Variants in SOX6 observed in about 807,000 individuals in gnomAD.
The protein encoded by SOX6 is transcription factor SOX-6.
A neutral mutation model predicts 97.8 loss-of-function variants in SOX6; 11 were observed. That is an observed-to-expected ratio of 0.11 (90% CI 0.07 to 0.19). The LOEUF is 0.19. Among genes scored for constraint, SOX6 ranks in the 10% least tolerant of loss-of-function variants. The pLI is 1.00. For missense variants in SOX6, 810 were observed against 1,039.5 expected, an observed-to-expected ratio of 0.78 and a Z score of 3.04; for synonymous variants, 360 against 371.4, an observed-to-expected ratio of 0.97 and a Z score of 0.35.
At chr11:16,293,649 GAGTT>G (rs1370289359) in intron 3 of SOX6, among the ~76,000 whole-genome samples, 1 of 152,028 alleles carries the variant, frequency 6.6e-6, no homozygotes, top group Non-Finnish European at 1.5e-5. Flanking sequence ...TGGGGAGAGG[GAGTT>G]AGAGAATTGT....
intron 1 of SOX6, among the ~76,000 whole-genome samples, chr11:16,435,071 A>G (rs1039706225): frequency 1.3e-5 from 2 of 152,216 alleles, no homozygotes; most frequent in African/African-American, 2.4e-5. Context: ...GCTCATCTGC[A>G]CTGCCAATGA....
At chr11:15,975,393 G>T (rs566104010) in intron 15 of SOX6, among the ~76,000 whole-genome samples, 13 of 152,226 alleles carry the variant, frequency 8.5e-5, no homozygotes, top group African/African-American at 3.1e-4. Flanking sequence ...TAGAGGGAAA[G>T]CTTTTACTGC....
chr11:16,397,100 A>G (rs1166469992), intron 1 of SOX6, among the ~76,000 whole-genome samples: 1 of 151,432 alleles, frequency 6.6e-6, no homozygotes, highest in African/African-American at 2.4e-5. Context: ...CTCTTGTGAA[A>G]AAAACAAGAG....
chr11:16,371,811 G>A (rs1362658899), intron 1 of SOX6, among the ~76,000 whole-genome samples: 2 of 152,014 alleles, frequency 1.3e-5, no homozygotes, highest in East Asian at 3.9e-4. Context: ...TTGAGATCAG[G>A]TGTAGAATTT....
At chr11:16,392,166 G>A (rs1278303754) in intron 1 of SOX6, among the ~76,000 whole-genome samples, 1 of 152,014 alleles carries the variant, frequency 6.6e-6, no homozygotes, top group Non-Finnish European at 1.5e-5. Context: ...TCTATGTAAT[G>A]GTATATATTT....
intron 1 of SOX6, among the ~76,000 whole-genome samples, chr11:16,371,234 C>CA (rs1857487010): frequency 6.6e-6 from 1 of 152,006 alleles, no homozygotes; most frequent in Admixed American, 6.6e-5. Context: ...TCAGAGTCTG[C>CA]ACTGGTCCCT....
intron 1 of SOX6, among the ~76,000 whole-genome samples, chr11:16,469,456 A>C (rs1197547770): frequency 6.6e-6 from 1 of 152,136 alleles, no homozygotes; most frequent in African/African-American, 2.4e-5. Context: ...GTTAAAGATG[A>C]CCTCAAAAAG....
At chr11:16,140,035 G>A (rs1437474537) in intron 6 of SOX6, among the ~76,000 whole-genome samples, 2 of 150,546 alleles carry the variant, frequency 1.3e-5, no homozygotes, top group East Asian at 1.9e-4. Flanking sequence ...ATATTTATAT[G>A]TGTATATGCA....
At chr11:16,060,341 T>C (rs1400946892) in intron 9 of SOX6, among the ~76,000 whole-genome samples, 1 of 151,860 alleles carries the variant, frequency 6.6e-6, no homozygotes, top group Non-Finnish European at 1.5e-5. Flanking sequence ...TGAGATTCCA[T>C]AGAGCTGGTT....
intron 4 of SOX6, among the ~76,000 whole-genome samples, chr11:16,537,207 G>A (rs1358541839): frequency 1.3e-5 from 2 of 152,156 alleles, no homozygotes; most frequent in African/African-American, 4.8e-5. Context: ...GACCTCCGGC[G>A]AACTCCAACA....
Position 15,989,238 on chromosome 11 carries a change from G to A in SOX6, c.1733-8C>T, listed in dbSNP as rs185837614. 568 of 1,588,074 alleles carry A rather than the reference G, an allele frequency of 3.6e-4. 3 individuals are homozygous for A. The highest frequency in any genetic ancestry group is 2.3e-5 in the South Asian group (2 of 88,588). ...CATTCATTGCTTTACTTCCTGTAATGTCAGGGCAGGAAGAACAAGATGAGT... is the reference window on the plus strand; with the variant it reads ...CATTCATTGCTTTACTTCCTGTAATATCAGGGCAGGAAGAACAAGATGAGT... On this transcript the variant is annotated splice_region_variant and splice_polypyrimidine_tract_variant and intron_variant, in intron 13 of 15. Transcript: ENST00000683767.
At chr11:15,988,125 A>C (rs1170846834) in intron 14 of SOX6, among the ~76,000 whole-genome samples, 1 of 152,212 alleles carries the variant, frequency 6.6e-6, no homozygotes, top group East Asian at 1.9e-4. Context: ...AGCTTCTTAA[A>C]TGGCTTCCTT....
chr11:16,081,859 G>GT (rs1411934358), intron 9 of SOX6, among the ~76,000 whole-genome samples: 1 of 152,164 alleles, frequency 6.6e-6, no homozygotes, highest in Non-Finnish European at 1.5e-5. Context: ...ATCTCATGAT[G>GT]TAAACACATA....
chr11:16,147,252 A>T (rs1850330892), intron 6 of SOX6, among the ~76,000 whole-genome samples: 1 of 152,182 alleles, frequency 6.6e-6, no homozygotes. Context: ...TATCGCAAGG[A>T]CAACAAACCA....
chr11:16,519,807 A>G (rs1290829772), intron 4 of SOX6, among the ~76,000 whole-genome samples: 8 of 152,194 alleles, frequency 5.3e-5, no homozygotes, highest in Non-Finnish European at 1.0e-4. Flanking sequence ...GTTAATTTAC[A>G]TTCCCACCAA....
rs185705515 is a variant in SOX6, at chr11:16,073,835, A to G, written c.1102-17934T>C. Among the ~76,000 whole-genome samples, 16 of 152,344 alleles carry G rather than the reference A, an allele frequency of 1.1e-4. No homozygotes were observed. The East Asian group carries it at 2.9e-3, about 28-fold the overall frequency. ...TGGAAATTAAACAACATGCTCCTGG[A>G]TGACTTTTGAGTAAACAATGAAATT... On this transcript the variant is annotated intron_variant, in intron 9 of 15. Transcript: ENST00000683767.
intron 13 of SOX6, among the ~76,000 whole-genome samples, chr11:16,012,527 C>T (rs531616240): frequency 1.3e-5 from 2 of 152,148 alleles, no homozygotes; most frequent in African/African-American, 2.4e-5. Flanking sequence ...CTATGATACT[C>T]ATCAGGCACT....
chr11:16,466,970 G>A (rs1323952752), intron 1 of SOX6, among the ~76,000 whole-genome samples: 19 of 140,796 alleles, frequency 1.3e-4, no homozygotes, highest in Non-Finnish European at 6.2e-5. Flanking sequence ...CCATGAAAAA[G>A]TGGGCAAAGG....
At chr11:16,325,408 T>A (rs1856057039) in intron 2 of SOX6, among the ~76,000 whole-genome samples, 1 of 152,172 alleles carries the variant, frequency 6.6e-6, no homozygotes, top group Non-Finnish European at 1.5e-5. Flanking sequence ...GTTGGTAATT[T>A]TCATTTCCTT....
Sources: gnomAD v4.1 joint callset for allele counts (sites outside exome capture counted in the v4.1 genomes callset) on GRCh38, gnomAD v4.1.1 for gene constraint, MANE v1.5 for transcripts, NCBI Gene and HGNC (gene_info 2026-07-23, HGNC 2026-07-21) for gene names.